Variants in DOCK1 observed in about 807,000 individuals in gnomAD.
DOCK1 encodes dedicator of cytokinesis 1, also known as dedicator of cytokinesis protein 1.
DOCK1 carries 138 observed loss-of-function variants against 262.7 expected under a neutral mutation model. The ratio of observed to expected loss-of-function variants is 0.53; its 90% confidence interval spans 0.46 to 0.61. The LOEUF (loss-of-function observed/expected upper bound fraction) is 0.61, where lower values mean the gene tolerates loss of function less well. DOCK1 is among the 20% of genes least tolerant of loss of function. The pLI, the probability that DOCK1 is intolerant of heterozygous loss-of-function variation, is 0.00. For synonymous variants in DOCK1, 866 were observed against 867.4 expected (o/e 1.00, Z 0.03); for missense variants, 1,908 against 2,370.7 (o/e 0.80, Z 4.05).
intron 29 of DOCK1, among the ~76,000 whole-genome samples, chr10:127,329,346 G>A (rs1413383372): frequency 6.6e-6 from 1 of 152,210 alleles, no homozygotes; most frequent in Non-Finnish European, 1.5e-5. Flanking sequence ...CCTGGGAGAG[G>A]AAGGAGGAGG....
intron 38 of DOCK1, among the ~76,000 whole-genome samples, chr10:127,392,398 C>T (rs2066532180): frequency 6.6e-6 from 1 of 152,066 alleles, no homozygotes; most frequent in Admixed American, 6.5e-5. Context: ...TCTGGATCTC[C>T]CTCTGAGGGA....
chr10:126,962,781 T>C (rs1476419299), intron 1 of DOCK1, among the ~76,000 whole-genome samples: 1 of 152,262 alleles, frequency 6.6e-6, no homozygotes, highest in African/African-American at 2.4e-5. Context: ...ACTTTTGATA[T>C]AATATCCAGT....
intron 22 of DOCK1, 42 bp from the exon 23 acceptor site, chr10:127,061,626 G>GTGTT: frequency 6.6e-7 from 1 of 1,518,846 alleles, no homozygotes; most frequent in Non-Finnish European, 9.0e-7. Flanking sequence ...AAATGTTGAG[G>GTGTT]TGTTTCTGCC....
At chr10:127,055,056 G>T (rs1394601964) in intron 22 of DOCK1, among the ~76,000 whole-genome samples, 1 of 151,934 alleles carries the variant, frequency 6.6e-6, no homozygotes, top group Non-Finnish European at 1.5e-5. Context: ...TAGATTCATG[G>T]TCCATAATTT....
intron 2 of DOCK1, among the ~76,000 whole-genome samples, chr10:126,976,413 G>T (rs970995571): frequency 3.9e-5 from 6 of 152,146 alleles, no homozygotes; most frequent in Non-Finnish European, 8.8e-5. Context: ...CTCTTTTCTG[G>T]ATATGCAGAA....
intron 38 of DOCK1, 83 bp from the exon 39 acceptor site, chr10:127,402,972 A>G (rs1050829439): frequency 7.3e-6 from 9 of 1,234,476 alleles, no homozygotes; most frequent in Middle Eastern, 4.2e-4. Context: ...ACACTGTTTT[A>G]TTTTGAATGA....
rs1010222792 is a variant in DOCK1 at position 127,229,070 on chromosome 10, T to C, written c.2848-18938T>C. ...CAACATGGTGAAACCCTGTCTTTACTAAAAAATACAAAAAATTAGCCGGGC... is the reference window on the plus strand; with the variant it reads ...CAACATGGTGAAACCCTGTCTTTACCAAAAAATACAAAAAATTAGCCGGGC... On this transcript the variant is annotated intron_variant, in intron 27 of 51. Transcript: ENST00000623213. Among the ~76,000 whole-genome samples the C allele has an allele frequency of 2.0e-5, 3 of 151,948 alleles. No individual in the cohort carries two copies. In the East Asian group the frequency reaches 5.8e-4, roughly 30 times the overall value.
rs549063646 is a variant in DOCK1, at chr10:127,176,483, C to T, written c.2847+48719C>T. 3.4e-5 allele frequency: 38 copies of T among 1,102,472 alleles called. No individual in the cohort carries two copies. The highest frequency in any genetic ancestry group is 2.9e-4 in the South Asian group (19 of 65,898). 68.3% of individuals were successfully genotyped at this position (1,102,472 alleles called of 1,614,324 possible). ...CGGCCGCACAAACTTTTAGCCACCA[C>T]GACGACTGCCTGTTTCCTAATTATA... On this transcript the variant is annotated intron_variant, in intron 27 of 51. Transcript: ENST00000623213. The surrounding 1 kb of genome is among the most constrained non-coding windows in gnomAD (Gnocchi z 4.4).
intron 27 of DOCK1, among the ~76,000 whole-genome samples, chr10:127,139,902 A>T (rs2051060956): frequency 6.6e-6 from 1 of 152,244 alleles, no homozygotes; most frequent in Admixed American, 6.5e-5. Flanking sequence ...CACTAATCTT[A>T]TAATGGAAAC....
At chr10:127,207,702 C>A (rs766645371) in intron 27 of DOCK1, among the ~76,000 whole-genome samples, 1 of 152,150 alleles carries the variant, frequency 6.6e-6, no homozygotes, top group Non-Finnish European at 1.5e-5. Flanking sequence ...AAGGCCATAA[C>A]ATCGTAACAT....
chr10:127,104,353 A>T (rs1030772052), intron 23 of DOCK1, among the ~76,000 whole-genome samples: 8 of 152,058 alleles, frequency 5.3e-5, no homozygotes, highest in Non-Finnish European at 1.2e-4. Flanking sequence ...CTTAGCCCAA[A>T]CTCACACGTA....
At chr10:127,020,086 T>C (rs1362905413) in intron 13 of DOCK1, among the ~76,000 whole-genome samples, 1 of 152,206 alleles carries the variant, frequency 6.6e-6, no homozygotes, top group African/African-American at 2.4e-5. Context: ...ACATCTAAAT[T>C]GGTTAGGCTA....
intron 43 of DOCK1, among the ~76,000 whole-genome samples, chr10:127,413,917 ATTTT>A (rs368961860): frequency 3.4e-5 from 5 of 149,036 alleles, no homozygotes; most frequent in Non-Finnish European, 6.0e-5. Flanking sequence ...TTTTCTGAAA[ATTTT>A]TTTTTTTTGA....
At chr10:127,088,082 T>C (rs1366833753) in intron 23 of DOCK1, among the ~76,000 whole-genome samples, 2 of 152,244 alleles carry the variant, frequency 1.3e-5, no homozygotes, top group Admixed American at 1.3e-4. Flanking sequence ...TCTCTTCTGA[T>C]GGTGGCAATT....
intron 22 of DOCK1, 99 bp from the exon 23 acceptor site, chr10:127,061,569 C>T (rs556277583): frequency 9.8e-7 from 1 of 1,017,350 alleles, no homozygotes; most frequent in African/African-American, 1.6e-5. Context: ...CTCATTCTAA[C>T]TTGTCACCCA....
intron 1 of DOCK1, among the ~76,000 whole-genome samples, chr10:126,924,989 A>G (rs1591332704): frequency 6.6e-6 from 1 of 152,256 alleles, no homozygotes; most frequent in African/African-American, 2.4e-5. Flanking sequence ...ACATAGGTGC[A>G]TCAGCTTTGC....
At chr10:127,405,175 G>T (rs1165277037) in intron 40 of DOCK1, among the ~76,000 whole-genome samples, 2 of 152,202 alleles carry the variant, frequency 1.3e-5, no homozygotes, top group Non-Finnish European at 2.9e-5. Flanking sequence ...AATTGGAAAT[G>T]GATCTGTATG....
chr10:127,325,381 G>A (rs2062708108), intron 29 of DOCK1, among the ~76,000 whole-genome samples: 1 of 152,296 alleles, frequency 6.6e-6, no homozygotes, highest in Non-Finnish European at 1.5e-5. Flanking sequence ...TGTGTGTCAG[G>A]AACTGTTCTG....
At chr10:127,372,930 AGCATG>A (rs1323073778) in intron 33 of DOCK1, among the ~76,000 whole-genome samples, 2 of 152,228 alleles carry the variant, frequency 1.3e-5, no homozygotes, top group African/African-American at 2.4e-5. Flanking sequence ...GGCCCCCTGC[AGCATG>A]GCTAGTCACC....
Sources: gnomAD v4.1 joint callset for allele counts (sites outside exome capture counted in the v4.1 genomes callset) on GRCh38, gnomAD v4.1.1 for gene constraint, Gnocchi (gnomAD v3.1) non-coding constraint, MANE v1.5 for transcripts, NCBI Gene and HGNC (gene_info 2026-07-23, HGNC 2026-07-21) for gene names.